MVK: variants seen among roughly 807,000 people sequenced by gnomAD.
The protein encoded by MVK is mevalonate kinase.
Under a neutral mutation model 43.2 loss-of-function variants are expected in MVK, and 34 were observed. The observed-to-expected ratio is 0.79, with a 90% CI of 0.60 to 1.05. The LOEUF is 1.05. Among genes scored for constraint, MVK ranks in the 50% least tolerant of loss-of-function variants. The pLI, the probability that MVK is intolerant of heterozygous loss-of-function variation, is 0.00. For missense variants in MVK, 395 were observed against 504.0 expected (o/e 0.78, Z 2.07); for synonymous variants, 190 against 219.8 (o/e 0.86, Z 1.20).
intron 6 of MVK, among the ~76,000 whole-genome samples, chr12:109,586,425 G>A (rs1004802592): frequency 2.0e-5 from 3 of 152,122 alleles, no homozygotes; most frequent in Admixed American, 6.5e-5. Flanking sequence ...CACCATCCAG[G>A]TGGCCTCCCC....
intron 7 of MVK, chr12:109,590,064 A>G (rs2136243481): frequency 6.3e-6 from 1 of 159,510 alleles, no homozygotes; most frequent in South Asian, 1.8e-4. Context: ...TCCGGGCACC[A>G]TTGAGGTAGG....
Position 109,580,607 on chromosome 12 carries a change from G to T in MVK, c.371+661G>T, listed in dbSNP as rs1885175432. Among the ~76,000 whole-genome samples, 4 of 152,322 alleles carry T rather than the reference G, an allele frequency of 2.6e-5. No homozygotes were observed. In the South Asian group the frequency reaches 8.3e-4, roughly 32 times the overall value. On this transcript the variant is annotated intron_variant, in intron 4 of 10. Transcript: ENST00000228510. ...GAGAGAGGCATGTCCCCTTAAGTGG[G>T]TGAGGGGCATTCCAGAATCTTCCAG...
At chr12:109,592,966 G>A (rs1885747322) in intron 9 of MVK, among the ~76,000 whole-genome samples, 1 of 152,240 alleles carries the variant, frequency 6.6e-6, no homozygotes, top group Non-Finnish European at 1.5e-5. Context: ...GAATGCCACA[G>A]AACAGCACGT....
chr12:109,595,186 C>A lies in MVK; in HGVS notation c.1039+5C>A. On this transcript the variant is annotated splice_donor_5th_base_variant and intron_variant, in intron 10 of 10. Transcript: ENST00000228510. The surrounding 1 kb of genome is among the most constrained non-coding windows in gnomAD (Gnocchi z 5.9). ...GCATCACACTCCTCAAGCCAGGTAT[C>A]CCGGGGGTAGGTGGGCCAGGCTGCC... 6.2e-7 allele frequency: 1 copy of A among 1,613,902 alleles called. No individual in the cohort carries two copies. Among genetic ancestry groups the A allele is most frequent in the Non-Finnish European group, 8.5e-7 (1 of 1,179,972 alleles).
chr12:109,573,673 T>C, upstream of MVK: 1 of 700,482 alleles, frequency 1.4e-6, no homozygotes, highest in Non-Finnish European at 2.5e-6. Context: ...GGAAAACCCG[T>C]GTCGGCTTGG....
chr12:109,591,445 C>T, intron 9 of MVK, 88 bp downstream of exon 9: 1 of 1,308,358 alleles, frequency 7.6e-7, no homozygotes, highest in Non-Finnish European at 1.1e-6. Context: ...GCTCAGAATC[C>T]CCCGGAAGCT....
Position 109,574,869 on chromosome 12 carries a change from T to C in MVK, c.47T>C (p.Leu16Pro). The C allele has an allele frequency of 6.2e-7, 1 of 1,610,458 alleles. No homozygotes were observed. Among genetic ancestry groups the C allele is most frequent in the Non-Finnish European group, 8.5e-7 (1 of 1,178,392 alleles). The change falls in exon 2 of 11, where the codon CTT (leucine) becomes CCT (proline). Residue 16 changes from leucine (L) to proline (P), a missense_variant. Transcript: ENST00000228510. ...GTGTCTGCTCCGGGGAAAGTCATCC[T>C]TCATGGAGAACATGCCGTGGTACAT... ...LLVSAPGKVI[L>P]HGEHAVVHGK... is the part of the protein sequence containing the mutation.
intron 9 of MVK, 52 bp downstream of exon 9, chr12:109,591,409 A>T: frequency 4.6e-6 from 7 of 1,513,688 alleles, no homozygotes; most frequent in Non-Finnish European, 5.5e-6. Flanking sequence ...CCACTGTCCA[A>T]GGCAGTGGCT....
Position 109,586,766 on chromosome 12 carries a change from G to A in MVK, c.644G>A (p.Arg215Gln), listed in dbSNP as rs104895303. Residue 215 changes from arginine (R) to glutamine (Q), a missense_variant, in exon 7 of 11, where the codon CGA becomes CAA. By Grantham distance (43) the Arg-to-Gln change is conservative. Transcript: ENST00000228510. ...TTTTTCTCTTTAGGAGGAGCCCTCC[G>A]ATACCATCAAGGGAAGATTTCATCC... ...NAVSTWGGALRYHQGKISSLK... is the reference protein window; with the variant it reads ...NAVSTWGGALQYHQGKISSLK... 2.9e-5 allele frequency: 47 copies of A among 1,613,994 alleles called. No homozygotes were observed. Among genetic ancestry groups the A allele is most frequent in the Non-Finnish European group, 3.5e-5 (41 of 1,179,990 alleles).
At chr12:109,579,137 ATT>A (rs758612897) in intron 3 of MVK, 3,303 of 318,166 alleles carry the variant, frequency 0.01, no homozygotes, top group South Asian at 0.017. Context: ...TAAGACTACA[ATT>A]TTTTTTTTTT....
intron 2 of MVK, among the ~76,000 whole-genome samples, chr12:109,575,785 G>A (rs1182690078): frequency 6.6e-6 from 1 of 152,190 alleles, no homozygotes; most frequent in African/African-American, 2.4e-5. Context: ...AAATTTTGCA[G>A]GCAGAAGGCA....
At chr12:109,591,444 C>T in intron 9 of MVK, 87 bp downstream of exon 9, 4 of 1,306,888 alleles carry the variant, frequency 3.1e-6, no homozygotes, top group Non-Finnish European at 4.4e-6. Context: ...TGCTCAGAAT[C>T]CCCCGGAAGC....
At chr12:109,576,570 T>C (rs1884966864) in intron 3 of MVK, among the ~76,000 whole-genome samples, 1 of 152,154 alleles carries the variant, frequency 6.6e-6, no homozygotes, top group Admixed American at 6.5e-5. Flanking sequence ...TTTTGTATAA[T>C]TAAAAATTGA....
At position 109,590,846 on chromosome 12, in the gene MVK, A is replaced by T. The variant is rs770927010; in HGVS notation, c.753A>T (p.Arg251Ser). The T allele has an allele frequency of 1.4e-5, 23 of 1,614,188 alleles. No homozygotes were observed. Among genetic ancestry groups the T allele is most frequent in the Non-Finnish European group, 1.9e-5 (23 of 1,180,032 alleles). The change falls in exon 8 of 11, where the codon AGA (arginine) becomes AGT (serine). Residue 251 changes from arginine (R) to serine (S), a missense_variant. Transcript: ENST00000228510. Reference protein sequence around the residue: ...RNTRALVAGVRNRLLKFPEIV... With the variant: ...RNTRALVAGVSNRLLKFPEIV... ...CCAGGGCCCTTGTGGCTGGCGTCAG[A>T]AACAGGCTGCTCAAGGTGACTCTTG...
In MVK at chr12:109,586,754, G is replaced by T; in HGVS notation, c.632G>T (p.Gly211Val). The T allele has an allele frequency of 1.2e-6, 2 of 1,614,070 alleles. No homozygotes were observed. Among genetic ancestry groups the T allele is most frequent in the South Asian group, 2.2e-5 (2 of 91,082 alleles). The change falls in exon 7 of 11, where the codon GGA becomes GTA. Residue 211 changes from glycine (G) to valine (V), a missense_variant and splice_region_variant. By Grantham distance (109) the Gly-to-Val change is moderately radical. Coordinates refer to ENST00000228510, the MANE Select transcript of MVK (RefSeq NM_000431.4). ...SGVDNAVSTW[G>V]GALRYHQGKI... ...CTGACCCACTGGTTTTTCTCTTTAGGAGGAGCCCTCCGATACCATCAAGGG... is the reference window on the plus strand; with the variant it reads ...CTGACCCACTGGTTTTTCTCTTTAGTAGGAGCCCTCCGATACCATCAAGGG...
intron 5 of MVK, among the ~76,000 whole-genome samples, chr12:109,585,066 A>G (rs978912903): frequency 6.6e-6 from 1 of 152,190 alleles, no homozygotes; most frequent in Non-Finnish European, 1.5e-5. Context: ...GTCTTGTTCC[A>G]TACTCATGTG....
intron 5 of MVK, among the ~76,000 whole-genome samples, chr12:109,582,428 C>T (rs1180013238): frequency 6.6e-6 from 1 of 152,140 alleles, no homozygotes; most frequent in East Asian, 1.9e-4. Context: ...CCTCTGCCTC[C>T]AGGTTCAAGT....
chr12:109,590,602 G>A (rs1885623090), intron 7 of MVK, 169 bp from the exon 8 acceptor site: 5 of 677,702 alleles, frequency 7.4e-6, no homozygotes, highest in Admixed American at 4.2e-5. Flanking sequence ...GGATGGAGGC[G>A]CAGCTGTGGC....
chr12:109,581,056 G>A (rs1885194370), intron 4 of MVK, among the ~76,000 whole-genome samples: 1 of 152,194 alleles, frequency 6.6e-6, no homozygotes, highest in Non-Finnish European at 1.5e-5. Flanking sequence ...TGCAGGCAGA[G>A]GGGCCAGCCT....
Sources: gnomAD v4.1 joint callset for allele counts (sites outside exome capture counted in the v4.1 genomes callset) on GRCh38, gnomAD v4.1.1 for gene constraint, Gnocchi (gnomAD v3.1) non-coding constraint, MANE v1.5 for transcripts, NCBI Gene and HGNC (gene_info 2026-07-23, HGNC 2026-07-21) for gene names.